The following TEX36 variants were observed in gnomAD, a reference collection of about 807,000 sequenced individuals.
The protein encoded by TEX36 is testis-expressed protein 36.
In TEX36, 12 loss-of-function variants were observed where a neutral mutation model predicts 13.6. The ratio of observed to expected loss-of-function variants is 0.88; its 90% CI spans 0.56 to 1.43. The LOEUF is 1.43. TEX36 is among the 40% of genes most tolerant of loss of function. The probability of loss-of-function intolerance (pLI) is 0.00; values close to 1 mark genes in which losing one functional copy is unlikely to be tolerated. For synonymous variants in TEX36, 93 were observed against 83.0 expected, an observed-to-expected ratio of 1.12 and a Z score of -0.65; for missense variants, 224 against 228.3, an observed-to-expected ratio of 0.98 and a Z score of 0.12.
At chr10:125,603,817 C>T (rs552641502) in intron 3 of TEX36, among the ~76,000 whole-genome samples, 10 of 152,230 alleles carry the variant, frequency 6.6e-5, no homozygotes, top group South Asian at 2.1e-4. Context: ...CCCCCTCCAC[C>T]GGAACACAGG....
Position 125,602,100 on chromosome 10 carries a change from G to A in TEX36, c.265-25226C>T, listed in dbSNP as rs57039559. Among the ~76,000 whole-genome samples the A allele has an allele frequency of 8.9e-3, 1,362 of 152,222 alleles. 18 individuals carry two copies. Among genetic ancestry groups the A allele is most frequent in the African/African-American group, 0.03 (1,265 of 41,520 alleles). On this transcript the variant is annotated intron_variant, in intron 3 of 3. Transcript: ENST00000532135. ...GCCTCTATCTGCTGAGCAAGCCACC[G>A]CCCCTCTCTGTGCCTCAGCTTCCTT...
Position 125,661,906 on chromosome 10 carries a change from A to G in TEX36, c.123T>C (p.Ser41=), listed in dbSNP as rs1443861032. 1 of 1,551,856 alleles carries G rather than the reference A, an allele frequency of 6.4e-7. No individual in the cohort carries two copies. The highest frequency in any genetic ancestry group is 2.0e-5 in the Admixed American group (1 of 50,972). ...CCTCCGCTTGCCGAGGCAAGTGTGG[A>G]CTCTGGGGCTCTTTTGACGTAGCAC... ...ITSATSKEPQ[S]PHLPRQAEGK... is the part of the protein sequence containing the mutation. The change falls in exon 2 of 4, where the codon AGT becomes AGC. Residue 41 remains serine (S), a synonymous_variant. Transcript: ENST00000368821.
chr10:125,670,861 G>GT (rs1364652934), intron 1 of TEX36, among the ~76,000 whole-genome samples: 1 of 151,830 alleles, frequency 6.6e-6, no homozygotes, highest in Non-Finnish European at 1.5e-5. Context: ...CCCATTGCTT[G>GT]TTTTTTTCAA....
chr10:125,658,541 AG>A (rs1346636732), intron 3 of TEX36, among the ~76,000 whole-genome samples: 2 of 152,152 alleles, frequency 1.3e-5, no homozygotes, highest in Non-Finnish European at 2.9e-5. Flanking sequence ...ATAAATATAA[AG>A]AACTTTGTAA....
At chr10:125,617,472 G>A (rs1437064187), downstream of TEX36, among the ~76,000 whole-genome samples, 1 of 152,052 alleles carries the variant, frequency 6.6e-6, no homozygotes, top group Non-Finnish European at 1.5e-5. Context: ...GCTCTTTTAG[G>A]GCAGGCCTGG....
chr10:125,650,538 G>C, intron 3 of TEX36, among the ~76,000 whole-genome samples: 1 of 152,110 alleles, frequency 6.6e-6, no homozygotes, highest in Non-Finnish European at 1.5e-5. Flanking sequence ...GCCCACAAGA[G>C]AAAGCAGGAA....
intron 3 of TEX36, among the ~76,000 whole-genome samples, chr10:125,646,190 G>A (rs1371901271): frequency 6.6e-6 from 1 of 152,088 alleles, no homozygotes; most frequent in Non-Finnish European, 1.5e-5. Flanking sequence ...GCCAGCCGTG[G>A]TGGTGTGCAC....
intron 3 of TEX36, chr10:125,621,653 A>G (rs763584619): frequency 6.6e-6 from 3 of 456,048 alleles, no homozygotes; most frequent in South Asian, 4.6e-5. Context: ...AAACTGGGAA[A>G]GAGAAAAGCC....
At chr10:125,634,381 T>A (rs1338265563) in intron 3 of TEX36, among the ~76,000 whole-genome samples, 2 of 152,184 alleles carry the variant, frequency 1.3e-5, no homozygotes, top group East Asian at 1.9e-4. Context: ...TATGACAAGT[T>A]CTTCTGTGAG....
intron 3 of TEX36, among the ~76,000 whole-genome samples, chr10:125,597,144 G>A (rs1475204279): frequency 6.6e-6 from 1 of 152,188 alleles, no homozygotes; most frequent in Admixed American, 6.5e-5. Flanking sequence ...GCTGCAAAGT[G>A]CTTACACTAC....
At chr10:125,623,355 C>T (rs1042930135) in intron 3 of TEX36, among the ~76,000 whole-genome samples, 1 of 152,178 alleles carries the variant, frequency 6.6e-6, no homozygotes, top group African/African-American at 2.4e-5. Flanking sequence ...AAATGTCAAT[C>T]TCCTCTGGCA....
chr10:125,619,865 A>G (rs1037828416), downstream of TEX36, among the ~76,000 whole-genome samples: 4 of 151,380 alleles, frequency 2.6e-5, no homozygotes, highest in African/African-American at 7.3e-5. Flanking sequence ...ATTTTTTACT[A>G]TTTATTTATA....
At chr10:125,659,412 G>A (rs762492594) in intron 3 of TEX36, among the ~76,000 whole-genome samples, 1 of 152,186 alleles carries the variant, frequency 6.6e-6, no homozygotes, top group Non-Finnish European at 1.5e-5. Context: ...ATTACTAGCA[G>A]TGAATCGTCA....
intron 3 of TEX36, among the ~76,000 whole-genome samples, chr10:125,639,818 A>C (rs1465050899): frequency 6.6e-6 from 1 of 152,246 alleles, no homozygotes; most frequent in Non-Finnish European, 1.5e-5. Flanking sequence ...TTGGAGGAAC[A>C]ATAAGATTTC....
At chr10:125,651,763 A>C (rs1275577116), downstream of TEX36, among the ~76,000 whole-genome samples, 1 of 152,210 alleles carries the variant, frequency 6.6e-6, no homozygotes, top group Admixed American at 6.5e-5. Flanking sequence ...ATCTCAGCCC[A>C]AAATCTCCTT....
chr10:125,646,629 G>C (rs1846773056), intron 3 of TEX36, among the ~76,000 whole-genome samples: 1 of 152,156 alleles, frequency 6.6e-6, no homozygotes, highest in Admixed American at 6.5e-5. Context: ...TTGGTAAACA[G>C]AGCAAAGGCA....
chr10:125,661,816 A>G (rs1434501697), intron 2 of TEX36, 30 bp downstream of exon 2: 1 of 1,551,400 alleles, frequency 6.4e-7, no homozygotes, highest in South Asian at 1.2e-5. Flanking sequence ...CCACAGGAGC[A>G]CATGGCAGTG....
At chr10:125,649,621 G>T (rs1275683082) in intron 3 of TEX36, among the ~76,000 whole-genome samples, 1 of 152,124 alleles carries the variant, frequency 6.6e-6, no homozygotes, top group Non-Finnish European at 1.5e-5. Flanking sequence ...ACATCATAAT[G>T]ACAGGATCAG....
At chr10:125,631,053 A>G (rs1846548739) in intron 3 of TEX36, among the ~76,000 whole-genome samples, 1 of 152,116 alleles carries the variant, frequency 6.6e-6, no homozygotes, top group African/African-American at 2.4e-5. Flanking sequence ...TTCTGGGAGA[A>G]ATACGAATGA....
Sources: allele counts gnomAD v4.1 joint callset (sites outside exome capture counted in the v4.1 genomes callset), GRCh38; gene constraint gnomAD v4.1.1; transcripts MANE v1.5; gene names NCBI Gene and HGNC (gene_info 2026-07-23, HGNC 2026-07-21).